The following FARSB variants were observed in gnomAD, a reference collection of about 807,000 sequenced individuals.
FARSB encodes the protein phenylalanyl-tRNA synthetase subunit beta, also known as phenylalanine--tRNA ligase beta subunit.
A neutral mutation model predicts 69.6 loss-of-function variants in FARSB; 40 were observed. That is an observed-to-expected ratio of 0.57 (90% CI 0.45 to 0.75). The LOEUF (loss-of-function observed/expected upper bound fraction) is 0.75, where lower values mean the gene tolerates loss of function less well. FARSB is among the 30% of genes least tolerant of loss of function. The pLI is 0.00. For missense variants in FARSB, 632 were observed against 722.9 expected (o/e 0.87, Z 1.44); for synonymous variants, 235 against 247.2 (o/e 0.95, Z 0.46).
rs201121026 is a variant in FARSB at position 222,634,501 on chromosome 2, T to G, written c.496A>C (p.Thr166Pro). The G allele has an allele frequency of 6.2e-7, 1 of 1,613,418 alleles. No individual in the cohort carries two copies. The highest frequency in any genetic ancestry group is 1.7e-5 in the Admixed American group (1 of 59,908). ...LVAIGTHDLD[T>P]LSGPFTYTAK... ...GTATAAGTAAATGGGCCCGACAAAGTGTCCAAATCATGGGTACCAATGGCA... is the reference window on the plus strand; with the variant it reads ...GTATAAGTAAATGGGCCCGACAAAGGGTCCAAATCATGGGTACCAATGGCA... The change falls in exon 6 of 17, where the codon ACT (threonine) becomes CCT (proline). Residue 166 changes from threonine to proline, a missense_variant. Coordinates refer to ENST00000281828, the MANE Select transcript of FARSB (RefSeq NM_005687.5).
chr2:222,627,077 G>T (rs1487851868), intron 10 of FARSB, among the ~76,000 whole-genome samples: 1 of 152,068 alleles, frequency 6.6e-6, no homozygotes, highest in African/African-American at 2.4e-5. Flanking sequence ...ACTTTTCTCT[G>T]GCATTATTTT....
chr2:222,581,265 T>C lies in FARSB; in HGVS notation c.1619-9243A>G, dbSNP rs115483377. 7.9e-3 allele frequency among the ~76,000 whole-genome samples: 1,204 copies of C among 152,316 alleles called. 14 individuals carry two copies. Among genetic ancestry groups the C allele is most frequent in the African/African-American group, 0.028 (1,158 of 41,566 alleles). On this transcript the variant is annotated intron_variant, in intron 16 of 16. Transcript: ENST00000281828. ...AATGAATGTCAATCTGTTGGATTTC[T>C]GCAATGATGTAATATATATATAGAA...
chr2:222,654,381 G>A (rs776386271), intron 1 of FARSB, among the ~76,000 whole-genome samples: 2 of 152,164 alleles, frequency 1.3e-5, no homozygotes, highest in Non-Finnish European at 2.9e-5. Flanking sequence ...ATGCATATAA[G>A]GTATATGTGA....
intron 16 of FARSB, among the ~76,000 whole-genome samples, chr2:222,595,766 C>T (rs542169764): frequency 8.5e-5 from 13 of 152,202 alleles, no homozygotes; most frequent in Admixed American, 7.2e-4. Context: ...CTGATCTGCC[C>T]GGCAACCACA....
intron 16 of FARSB, among the ~76,000 whole-genome samples, chr2:222,578,402 T>A (rs2106177512): frequency 6.6e-6 from 1 of 152,344 alleles, no homozygotes; most frequent in East Asian, 1.9e-4. Context: ...GTCGACTATA[T>A]GAGATTGTAT....
At chr2:222,637,470 G>A (rs938094654) in intron 5 of FARSB, among the ~76,000 whole-genome samples, 1 of 152,146 alleles carries the variant, frequency 6.6e-6, no homozygotes, top group African/African-American at 2.4e-5. Flanking sequence ...AGAACATGCA[G>A]CTGAGAAAAC....
intron 16 of FARSB, among the ~76,000 whole-genome samples, chr2:222,592,503 A>C (rs765118307): frequency 6.6e-6 from 1 of 152,074 alleles, no homozygotes; most frequent in African/African-American, 2.4e-5. Flanking sequence ...GAGGAAAGTA[A>C]ATCTGTCTCA....
chr2:222,625,673 A>G (rs1400815682), intron 10 of FARSB, among the ~76,000 whole-genome samples: 2 of 152,218 alleles, frequency 1.3e-5, no homozygotes, highest in Admixed American at 1.3e-4. Flanking sequence ...TTGCAAAGTA[A>G]TAATAACTTT....
At chr2:222,591,891 T>C (rs777283793) in intron 16 of FARSB, among the ~76,000 whole-genome samples, 1 of 152,190 alleles carries the variant, frequency 6.6e-6, no homozygotes, top group Non-Finnish European at 1.5e-5. Flanking sequence ...TACATGTAGA[T>C]ACAAGAATGA....
chr2:222,643,285 G>GC lies in FARSB; in HGVS notation c.115-281dup, dbSNP rs950626152. 3.4e-4 allele frequency among the ~76,000 whole-genome samples: 51 copies of GC among 152,204 alleles called. 1 individual carries two copies. Among genetic ancestry groups the GC allele is most frequent in the African/African-American group, 1.2e-3 (51 of 41,538 alleles). ...TCTAAACAAGGGTCAGCAAGCAATA[G>GC]CCCCCTGGCCAAATCATACCTGATA... On this transcript the variant is annotated intron_variant, in intron 2 of 16. Transcript: ENST00000281828.
chr2:222,607,772 AT>A, intron 15 of FARSB, among the ~76,000 whole-genome samples: 1 of 152,206 alleles, frequency 6.6e-6, no homozygotes, highest in Middle Eastern at 3.4e-3. Flanking sequence ...CTTAAGAACA[AT>A]TTTCCTTAAA....
chr2:222,628,133 T>G (rs1305088853), intron 10 of FARSB, among the ~76,000 whole-genome samples: 1 of 152,248 alleles, frequency 6.6e-6, no homozygotes, highest in Non-Finnish European at 1.5e-5. Flanking sequence ...CTTCAGCAAC[T>G]GTTAATTCAA....
intron 16 of FARSB, among the ~76,000 whole-genome samples, chr2:222,578,919 T>C (rs958973211): frequency 2.0e-5 from 3 of 151,382 alleles, no homozygotes; most frequent in African/African-American, 7.3e-5. Flanking sequence ...GAGGGGGAGG[T>C]TGCAGTAAGC....
Position 222,643,114 on chromosome 2 carries a change from T to C in FARSB, c.115-109A>G, listed in dbSNP as rs149896173. Reference sequence around the variant, plus strand: ...GTAACTACATTATACATATTTTCTATAACAAGAACATGGGATTATTATATC... The same window carrying C: ...GTAACTACATTATACATATTTTCTACAACAAGAACATGGGATTATTATATC... On this transcript the variant is annotated intron_variant, in intron 2 of 16. Coordinates refer to ENST00000281828, the MANE Select transcript of FARSB (RefSeq NM_005687.5). The C allele has an allele frequency of 1.1e-3, 627 of 548,342 alleles. 2 individuals are homozygous for C. The Admixed American group carries it at 0.015, about 14-fold the overall frequency. 34.0% of individuals were successfully genotyped at this position (548,342 alleles called of 1,614,324 possible).
intron 16 of FARSB, among the ~76,000 whole-genome samples, chr2:222,598,505 G>A (rs1434346454): frequency 6.6e-6 from 1 of 152,148 alleles, no homozygotes; most frequent in Non-Finnish European, 1.5e-5. Context: ...CGTTCAGGAC[G>A]CAATCTGCAT....
chr2:222,654,644 A>G (rs1331486562), intron 1 of FARSB, among the ~76,000 whole-genome samples: 2 of 152,212 alleles, frequency 1.3e-5, no homozygotes, highest in African/African-American at 4.8e-5. Context: ...GAGTAATACA[A>G]TACCCTTGTA....
chr2:222,585,274 A>C (rs958145529), intron 16 of FARSB, among the ~76,000 whole-genome samples: 1 of 152,242 alleles, frequency 6.6e-6, no homozygotes, highest in Non-Finnish European at 1.5e-5. Context: ...CCTGCAGCTG[A>C]GGGTCCTGAA....
intron 1 of FARSB, among the ~76,000 whole-genome samples, chr2:222,649,229 A>C (rs1183102144): frequency 1.4e-5 from 2 of 139,344 alleles, no homozygotes; most frequent in Non-Finnish European, 3.1e-5. Context: ...TCCGTCTCAA[A>C]AAATTAAAAA....
chr2:222,578,940 C>A (rs1486455362), intron 16 of FARSB, among the ~76,000 whole-genome samples: 2 of 152,128 alleles, frequency 1.3e-5, no homozygotes, highest in African/African-American at 2.4e-5. Context: ...TGAGATCTCA[C>A]CACTGCACTC....
Sources: gnomAD v4.1 joint callset for allele counts (sites outside exome capture counted in the v4.1 genomes callset) on GRCh38, gnomAD v4.1.1 for gene constraint, MANE v1.5 for transcripts, NCBI Gene and HGNC (gene_info 2026-07-23, HGNC 2026-07-21) for gene names.